The following EYA1 variants were observed in gnomAD, a reference collection of about 807,000 sequenced individuals.
The protein encoded by EYA1 is EYA transcriptional coactivator and phosphatase 1.
Under a neutral mutation model 82.0 loss-of-function variants are expected in EYA1, and 16 were observed. The observed-to-expected ratio is 0.20, with a 90% confidence interval of 0.13 to 0.30. The LOEUF is 0.30. EYA1 is among the 10% of genes least tolerant of loss of function. The pLI, the probability that EYA1 is intolerant of heterozygous loss-of-function variation, is 1.00. For missense variants in EYA1, 633 were observed against 730.7 expected, an observed-to-expected ratio of 0.87 and a Z score of 1.54; for synonymous variants, 261 against 264.4, an observed-to-expected ratio of 0.99 and a Z score of 0.12.
At chr8:71,244,791 G>A in intron 11 of EYA1, 99 bp from the exon 12 acceptor site, 1 of 726,800 alleles carries the variant, frequency 1.4e-6, no homozygotes, top group South Asian at 1.6e-5. Flanking sequence ...GAGGCTGAAA[G>A]CAAGAGACAC....
At chr8:71,380,893 C>T (rs1828664227) in intron 2 of EYA1, among the ~76,000 whole-genome samples, 1 of 152,238 alleles carries the variant, frequency 6.6e-6, no homozygotes, top group African/African-American at 2.4e-5. Flanking sequence ...CCTCTCCTGT[C>T]CTCAACCTCT....
intron 3 of EYA1, among the ~76,000 whole-genome samples, chr8:71,345,571 T>C (rs768890175): frequency 6.6e-6 from 1 of 152,218 alleles, no homozygotes; most frequent in Non-Finnish European, 1.5e-5. Flanking sequence ...GATTGTGTTT[T>C]TTTTAGTTTA....
chr8:71,387,716 C>T (rs1242162528), intron 2 of EYA1, among the ~76,000 whole-genome samples: 1 of 151,864 alleles, frequency 6.6e-6, no homozygotes, highest in Non-Finnish European at 1.5e-5. Context: ...TGCCACATAC[C>T]TTTTAGATAC....
At chr8:71,511,538 C>T (rs572174667) in intron 2 of EYA1, among the ~76,000 whole-genome samples, 34 of 152,190 alleles carry the variant, frequency 2.2e-4, no homozygotes, top group South Asian at 2.1e-4. Flanking sequence ...AGATGACTGA[C>T]GGGTCAGGTA....
rs183379000 is a variant in EYA1 at position 71,462,831 on chromosome 8, C to T, written c.33+72913G>A. ...CCTCAGGGACATGGGGCACAGAGGA[C>T]CAGCGTCTGCCATTGCTGCTCCCAT... is the stretch of plus-strand genomic sequence containing the variant. On this transcript the variant is annotated intron_variant, in intron 2 of 18. Coordinates refer to the EYA1 transcript ENST00000643681. Among the ~76,000 whole-genome samples, 654 of 152,236 alleles carry T rather than the reference C, an allele frequency of 4.3e-3. 2 individuals are homozygous for T. The highest frequency in any genetic ancestry group is 7.5e-3 in the Non-Finnish European group (511 of 68,004).
intron 2 of EYA1, among the ~76,000 whole-genome samples, chr8:71,516,680 T>G (rs944040214): frequency 3.9e-5 from 6 of 152,112 alleles, no homozygotes; most frequent in African/African-American, 1.2e-4. Flanking sequence ...AGGGTGCATA[T>G]GAGACAAAGC....
intron 2 of EYA1, among the ~76,000 whole-genome samples, chr8:71,411,647 A>G (rs189851315): frequency 2.6e-5 from 4 of 151,754 alleles, no homozygotes; most frequent in Admixed American, 2.0e-4. Context: ...ATCACTGGCC[A>G]TCAGAGAAAT....
intron 2 of EYA1, among the ~76,000 whole-genome samples, chr8:71,527,636 C>G (rs1263322259): frequency 6.6e-6 from 1 of 152,138 alleles, no homozygotes; most frequent in African/African-American, 2.4e-5. Flanking sequence ...GATTCCCCAG[C>G]CCCTTAAGTT....
At chr8:71,232,069 A>G (rs1811263017) in intron 12 of EYA1, among the ~76,000 whole-genome samples, 1 of 152,220 alleles carries the variant, frequency 6.6e-6, no homozygotes, top group African/African-American at 2.4e-5. Flanking sequence ...GATGTTTGCA[A>G]AAGAAAACCT....
At chr8:71,452,108 C>T (rs1018949852) in intron 2 of EYA1, among the ~76,000 whole-genome samples, 1 of 152,242 alleles carries the variant, frequency 6.6e-6, no homozygotes, top group Non-Finnish European at 1.5e-5. Context: ...GCAAATGGCA[C>T]ACCAGGAGAT....
At chr8:71,400,800 G>A (rs1261625469) in intron 2 of EYA1, among the ~76,000 whole-genome samples, 1 of 152,068 alleles carries the variant, frequency 6.6e-6, no homozygotes, top group Non-Finnish European at 1.5e-5. Context: ...ATACCCAAAG[G>A]AATATAAATC....
At position 71,216,867 on chromosome 8, in the gene EYA1, G is replaced by A; in HGVS notation, c.1200-15C>T. The stretch of plus-strand genomic sequence containing the variant: ...AGTTATATGTGCTATTTATATGCAA[G>A]AAAAGCCCAAAGTTAGCCGAACAGA... On this transcript the variant is annotated splice_polypyrimidine_tract_variant and intron_variant, in intron 13 of 17. Transcript: ENST00000340726. 1 of 1,614,078 alleles carries A rather than the reference G, an allele frequency of 6.2e-7. No homozygotes were observed. Among genetic ancestry groups the A allele is most frequent in the Non-Finnish European group, 8.5e-7 (1 of 1,179,972 alleles).
At chr8:71,365,614 C>T (rs1827707847), upstream of EYA1, among the ~76,000 whole-genome samples, 1 of 152,122 alleles carries the variant, frequency 6.6e-6, no homozygotes, top group East Asian at 1.9e-4. Context: ...TTCCAGTCTT[C>T]CTGGTTTCAC....
intron 2 of EYA1, among the ~76,000 whole-genome samples, chr8:71,370,407 G>A (rs929599718): frequency 6.7e-6 from 1 of 148,744 alleles, no homozygotes; most frequent in Non-Finnish European, 1.5e-5. Context: ...GGGCATAGAT[G>A]AAAAAGTAAA....
intron 2 of EYA1, among the ~76,000 whole-genome samples, chr8:71,531,742 A>G (rs1814298262): frequency 6.6e-6 from 1 of 152,210 alleles, no homozygotes; most frequent in South Asian, 2.1e-4. Context: ...GTGCTCATCC[A>G]GATGGGAACC....
chr8:71,477,242 A>C (rs1335288139), intron 2 of EYA1, among the ~76,000 whole-genome samples: 1 of 152,156 alleles, frequency 6.6e-6, no homozygotes, highest in East Asian at 1.9e-4. Context: ...CAAAATTAAA[A>C]ACTTTTGTGT....
At chr8:71,442,710 C>A (rs1035738397) in intron 2 of EYA1, among the ~76,000 whole-genome samples, 1 of 152,044 alleles carries the variant, frequency 6.6e-6, no homozygotes, top group African/African-American at 2.4e-5. Flanking sequence ...TTTATAATAC[C>A]ACTATGTGTT....
chr8:71,402,329 T>A (rs1025979315), intron 2 of EYA1, among the ~76,000 whole-genome samples: 13 of 152,040 alleles, frequency 8.6e-5, no homozygotes, highest in South Asian at 2.1e-4. Flanking sequence ...AAACGGGGCA[T>A]GAGAGCTACC....
At chr8:71,318,939 A>C (rs1822219825) in intron 6 of EYA1, among the ~76,000 whole-genome samples, 1 of 152,144 alleles carries the variant, frequency 6.6e-6, no homozygotes, top group Non-Finnish European at 1.5e-5. Flanking sequence ...GGTGATCCCA[A>C]ACCAATGAAT....
Sources: gnomAD v4.1 joint callset for allele counts (sites outside exome capture counted in the v4.1 genomes callset) on GRCh38, gnomAD v4.1.1 for gene constraint, MANE v1.5 for transcripts, NCBI Gene and HGNC (gene_info 2026-07-23, HGNC 2026-07-21) for gene names.